The following GREM2 variants were observed in gnomAD, a reference collection of about 807,000 sequenced individuals.
The protein encoded by GREM2 is gremlin 2, DAN family BMP antagonist.
A neutral mutation model predicts 14.2 loss-of-function variants in GREM2; 11 were observed. The ratio of observed to expected loss-of-function variants is 0.78; its 90% CI spans 0.49 to 1.28. The LOEUF (loss-of-function observed/expected upper bound fraction) is 1.28, where lower values mean the gene tolerates loss of function less well. Ranked by LOEUF, GREM2 falls within the 50% of genes most tolerant of loss-of-function variation. The probability of loss-of-function intolerance (pLI) is 0.00; values close to 1 mark genes in which losing one functional copy is unlikely to be tolerated. For synonymous variants in GREM2, 98 were observed against 97.6 expected (o/e 1.00, Z -0.02); for missense variants, 210 against 218.5 (o/e 0.96, Z 0.24).
At chr1:240,509,360 ATTTTTTTTT>A (rs564246660) in intron 1 of GREM2, among the ~76,000 whole-genome samples, 1 of 112,038 alleles carries the variant, frequency 8.9e-6, no homozygotes, top group African/African-American at 3.3e-5. Flanking sequence ...AGCTCATTTG[ATTTTTTTTT>A]TTTTTTTTTT....
chr1:240,596,837 T>TA (rs1679827866), intron 1 of GREM2, among the ~76,000 whole-genome samples: 1 of 152,172 alleles, frequency 6.6e-6, no homozygotes, highest in South Asian at 2.1e-4. Flanking sequence ...TACCCAAACT[T>TA]ACGCTCTGAT....
At chr1:240,517,673 G>T (rs1228927775) in intron 1 of GREM2, among the ~76,000 whole-genome samples, 1 of 152,106 alleles carries the variant, frequency 6.6e-6, no homozygotes, top group African/African-American at 2.4e-5. Context: ...TCAAGCCATG[G>T]TTCACAATTT....
chr1:240,570,802 G>T (rs1324673515), intron 1 of GREM2, among the ~76,000 whole-genome samples: 5 of 152,174 alleles, frequency 3.3e-5, no homozygotes, highest in African/African-American at 1.2e-4. Context: ...TATAGGCCAT[G>T]TCATGAATAC....
At chr1:240,521,707 C>T (rs1049114100) in intron 1 of GREM2, among the ~76,000 whole-genome samples, 1 of 152,070 alleles carries the variant, frequency 6.6e-6, no homozygotes, top group South Asian at 2.1e-4. Context: ...CTGGGGTCGC[C>T]CATATTGTGC....
chr1:240,513,511 G>T (rs188741925), intron 1 of GREM2, among the ~76,000 whole-genome samples: 1 of 148,468 alleles, frequency 6.7e-6, no homozygotes, highest in African/African-American at 2.5e-5. Context: ...GGAGACAGAG[G>T]TTGCAGTGAG....
chr1:240,533,337 G>A (rs1177818844), intron 1 of GREM2, among the ~76,000 whole-genome samples: 1 of 152,174 alleles, frequency 6.6e-6, no homozygotes. Context: ...CGGTCTGTGA[G>A]GGCATTGCAT....
chr1:240,576,840 A>G (rs1679381742), intron 1 of GREM2, among the ~76,000 whole-genome samples: 1 of 152,216 alleles, frequency 6.6e-6, no homozygotes, highest in African/African-American at 2.4e-5. Context: ...AAGCTCTGCC[A>G]GTTCCTTTTG....
At chr1:240,568,221 T>C (rs1679201534) in intron 1 of GREM2, among the ~76,000 whole-genome samples, 1 of 152,218 alleles carries the variant, frequency 6.6e-6, no homozygotes, top group African/African-American at 2.4e-5. Flanking sequence ...TATACTTTTT[T>C]AGGGCTCTTA....
intron 1 of GREM2, among the ~76,000 whole-genome samples, chr1:240,520,884 T>C (rs891965039): frequency 1.3e-5 from 2 of 151,814 alleles, no homozygotes; most frequent in Non-Finnish European, 2.9e-5. Context: ...TTTAAGGTTT[T>C]TTTGGTATGA....
At chr1:240,506,889 G>A (rs1355608335) in intron 1 of GREM2, among the ~76,000 whole-genome samples, 1 of 152,212 alleles carries the variant, frequency 6.6e-6, no homozygotes, top group Non-Finnish European at 1.5e-5. Flanking sequence ...GAGCTAAGTG[G>A]TGATGGGGCT....
intron 1 of GREM2, chr1:240,531,597 G>A: frequency 1.0e-6 from 1 of 956,348 alleles, no homozygotes; most frequent in Non-Finnish European, 1.2e-6. Context: ...TGGAGTTGGT[G>A]TGTGGTTATG....
chr1:240,562,002 CAAAT>C (rs921580218), intron 1 of GREM2, among the ~76,000 whole-genome samples: 4 of 152,168 alleles, frequency 2.6e-5, no homozygotes, highest in South Asian at 2.1e-4. Context: ...AACAAGATGT[CAAAT>C]AAGTAGGCTG....
At chr1:240,566,892 C>T (rs1679183807) in intron 1 of GREM2, among the ~76,000 whole-genome samples, 1 of 151,848 alleles carries the variant, frequency 6.6e-6, no homozygotes, top group African/African-American at 2.4e-5. Context: ...AGTGAAGAGA[C>T]AAAGCAATCA....
chr1:240,596,619 C>T (rs1679822817), intron 1 of GREM2, among the ~76,000 whole-genome samples: 1 of 152,004 alleles, frequency 6.6e-6, no homozygotes. Flanking sequence ...ATTGCTTGAA[C>T]CCAGGAGGCA....
At position 240,510,369 on chromosome 1, in the gene GREM2, C is replaced by CAAAAAAAAA. The variant is rs71170753; in HGVS notation, c.-1-16902_-1-16894dup. Among the ~76,000 whole-genome samples the CAAAAAAAAA allele has an allele frequency of 2.2e-4, 13 of 59,542 alleles. 1 individual carries two copies. The highest frequency in any genetic ancestry group is 1.5e-3 in the East Asian group (2 of 1,356). The allele number at this position is 59,542 out of a possible 152,430, so 39.1% of individuals were successfully genotyped here. On this transcript the variant is annotated intron_variant, in intron 1 of 1. Transcript: ENST00000318160. Reference sequence around the variant, plus strand: ...TGGGCGACAGAGCGAGACTCCGTCGCAAAAAAAAAAAAAAAAAAAAAAAAA... The same window carrying CAAAAAAAAA: ...TGGGCGACAGAGCGAGACTCCGTCGCAAAAAAAAAAAAAAAAAAAAAAAAAAAAAAAAAA...
intron 1 of GREM2, among the ~76,000 whole-genome samples, chr1:240,549,623 T>G (rs1015588580): frequency 1.3e-5 from 2 of 152,130 alleles, no homozygotes; most frequent in Non-Finnish European, 2.9e-5. Flanking sequence ...GGAAAGGCCT[T>G]GGTCTTGGAG....
chr1:240,604,749 C>T (rs926046688), intron 1 of GREM2, among the ~76,000 whole-genome samples: 1 of 152,172 alleles, frequency 6.6e-6, no homozygotes, highest in Non-Finnish European at 1.5e-5. Context: ...CTTGAGCCCC[C>T]GAGTTCGGGA....
At position 240,547,532 on chromosome 1, in the gene GREM2, T is replaced by TAGATAGATAGATAG. The variant is rs1553275859; in HGVS notation, c.-1-54057_-1-54056insCTATCTATCTATCT. 1.9e-4 allele frequency among the ~76,000 whole-genome samples: 23 copies of TAGATAGATAGATAG among 121,878 alleles called. No homozygotes were observed. The East Asian group carries it at 3.0e-3, about 16-fold the overall frequency. The allele number at this position is 121,878 out of a possible 152,430, so 80.0% of individuals were successfully genotyped here. On this transcript the variant is annotated intron_variant, in intron 1 of 1. Transcript: ENST00000318160. ...AAAAAAAAATATATATATATATATA[T>TAGATAGATAGATAG]ATAGATAGATAGATAGATAGATAGA...
chr1:240,496,886 C>T (rs1177617439), intron 1 of GREM2, among the ~76,000 whole-genome samples: 1 of 152,084 alleles, frequency 6.6e-6, no homozygotes. Context: ...GTGGCACACA[C>T]CTGTAGTCCC....
Sources: gnomAD v4.1 joint callset for allele counts (sites outside exome capture counted in the v4.1 genomes callset) on GRCh38, gnomAD v4.1.1 for gene constraint, MANE v1.5 for transcripts, NCBI Gene and HGNC (gene_info 2026-07-23, HGNC 2026-07-21) for gene names.